Variants in PGBD5 observed in about 807,000 individuals in gnomAD.
PGBD5 encodes piggyBac transposable element-derived protein 5.
A neutral mutation model predicts 47.9 loss-of-function variants in PGBD5; 14 were observed. The ratio of observed to expected loss-of-function variants is 0.29; its 90% CI spans 0.19 to 0.46. The LOEUF is 0.46. Ranked by LOEUF, PGBD5 falls within the 20% of genes least tolerant of loss-of-function variation. PGBD5 has a pLI of 1.00. For synonymous variants in PGBD5, 316 were observed against 306.3 expected, an observed-to-expected ratio of 1.03 and a Z score of -0.33; for missense variants, 635 against 716.0, an observed-to-expected ratio of 0.89 and a Z score of 1.29.
intron 1 of PGBD5, among the ~76,000 whole-genome samples, chr1:230,423,110 T>G (rs747260273): frequency 1.1e-4 from 17 of 152,094 alleles, no homozygotes; most frequent in Non-Finnish European, 1.9e-4. Flanking sequence ...TACCCGCACA[T>G]TTCCATAAAA....
intron 3 of PGBD5, among the ~76,000 whole-genome samples, chr1:230,339,888 TTAGA>T (rs1316587256): frequency 1.3e-5 from 2 of 152,190 alleles, no homozygotes; most frequent in South Asian, 2.1e-4. Flanking sequence ...TCAAAATCTG[TTAGA>T]TAGGAGGAAT....
At chr1:230,403,402 C>G (rs997847562) in intron 1 of PGBD5, among the ~76,000 whole-genome samples, 1 of 152,230 alleles carries the variant, frequency 6.6e-6, no homozygotes, top group Non-Finnish European at 1.5e-5. Context: ...ACTTGTCCCC[C>G]TTCTGTCTCT....
intron 3 of PGBD5, among the ~76,000 whole-genome samples, chr1:230,342,224 C>T (rs1487535): frequency 0.41 from 61,923 of 151,986 alleles, 13,935 homozygotes; most frequent in Non-Finnish European, 0.47. Context: ...TGCTGGGATC[C>T]GGGCACCCTC....
chr1:230,414,358 T>A (rs775939981), intron 1 of PGBD5, among the ~76,000 whole-genome samples: 2 of 152,138 alleles, frequency 1.3e-5, no homozygotes, highest in Non-Finnish European at 2.9e-5. Context: ...CCTTCAGAAA[T>A]GGGGGCTGCA....
At position 230,316,919 on chromosome 1, in the gene PGBD5, T is replaced by G. The variant is rs561796692; in HGVS notation, c.*6506A>C. On this transcript the variant is annotated 3_prime_UTR_variant, in exon 7 of 7. Coordinates refer to ENST00000391860, the MANE Select transcript of PGBD5 (RefSeq NM_001258311.2). ...AGATACACACACGCATACCTGGCTC[T>G]CAGGGCAAGTTGCAGGTTGGCAAGT... 6.6e-6 allele frequency: 1 copy of G among 152,256 alleles called. No homozygotes were observed. Among genetic ancestry groups the G allele is most frequent in the South Asian group, 2.1e-4 (1 of 4,828 alleles). The allele number at this position is 152,256 out of a possible 1,614,324, so 9.4% of individuals were successfully genotyped here.
At chr1:230,384,853 TA>T (rs2102728424) in intron 1 of PGBD5, among the ~76,000 whole-genome samples, 1 of 152,322 alleles carries the variant, frequency 6.6e-6, no homozygotes, top group South Asian at 2.1e-4. Context: ...CCCATTGCTC[TA>T]AAAAGCTGTT....
chr1:230,376,121 G>T (rs543884513), intron 1 of PGBD5, among the ~76,000 whole-genome samples: 1 of 152,234 alleles, frequency 6.6e-6, no homozygotes. Context: ...GAGTCACAGG[G>T]TGTCCAAGGT....
Position 230,356,966 on chromosome 1 carries a change from G to C in PGBD5, c.687C>G (p.Leu229=), listed in dbSNP as rs533232274. The part of the protein sequence containing the change: ...AFRSSQTTHG[L]YKVQPFLDSL... ...AGTCGAGGAAGGGCTGGACCTTGTAGAGCCCGTGCGTGGTCTGGCTGGAGC... is the reference window on the plus strand; with the variant it reads ...AGTCGAGGAAGGGCTGGACCTTGTACAGCCCGTGCGTGGTCTGGCTGGAGC... Residue 229 remains leucine, a synonymous_variant, in exon 2 of 7, where the codon CTC becomes CTG. Coordinates refer to ENST00000391860, the MANE Select transcript of PGBD5 (RefSeq NM_001258311.2). The C allele has an allele frequency of 8.7e-6, 14 of 1,614,210 alleles. No individual in the cohort carries two copies. In the East Asian group the frequency reaches 3.1e-4, roughly 36 times the overall value.
At chr1:230,328,564 C>T (rs554240292) in intron 5 of PGBD5, among the ~76,000 whole-genome samples, 5 of 152,144 alleles carry the variant, frequency 3.3e-5, no homozygotes, top group East Asian at 1.9e-4. Flanking sequence ...TGCACAGATT[C>T]GTGGTGGACG....
At chr1:230,366,740 T>C (rs1448399407) in intron 1 of PGBD5, among the ~76,000 whole-genome samples, 1 of 152,148 alleles carries the variant, frequency 6.6e-6, no homozygotes, top group Non-Finnish European at 1.5e-5. Flanking sequence ...GTGGCTTGCA[T>C]GGTGCCTGAT....
At chr1:230,415,221 G>A (rs1216051454) in intron 1 of PGBD5, among the ~76,000 whole-genome samples, 4 of 151,798 alleles carry the variant, frequency 2.6e-5, no homozygotes, top group Non-Finnish European at 4.4e-5. Context: ...GCTGCAGTGA[G>A]CTGTGATCAC....
chr1:230,351,212 C>T (rs934239208), intron 2 of PGBD5, 120 bp from the exon 3 acceptor site: 3 of 1,119,280 alleles, frequency 2.7e-6, no homozygotes, highest in South Asian at 1.8e-5. Flanking sequence ...AACTAAGTTA[C>T]TTTACCTCTC....
At chr1:230,408,766 C>A (rs532181521) in intron 1 of PGBD5, among the ~76,000 whole-genome samples, 2 of 152,194 alleles carry the variant, frequency 1.3e-5, no homozygotes, top group East Asian at 1.9e-4. Context: ...TAGAAGAAAG[C>A]ATAGGGTTAA....
In PGBD5 at chr1:230,318,029, A is replaced by G. The variant is rs1666977507; in HGVS notation, c.*5396T>C. The G allele has an allele frequency of 6.6e-6, 1 of 152,396 alleles. No individual in the cohort carries two copies. Among genetic ancestry groups the G allele is most frequent in the African/African-American group, 2.4e-5 (1 of 41,436 alleles). The allele number at this position is 152,396 out of a possible 1,614,324, so 9.4% of individuals were successfully genotyped here. On this transcript the variant is annotated 3_prime_UTR_variant, in exon 7 of 7. Coordinates refer to ENST00000391860, the MANE Select transcript of PGBD5 (RefSeq NM_001258311.2). ...CGCCAGCACCACCGCCCTACACTCA[A>G]GAGAGGCTGCCCGGCCCCCACCAGA...
intron 1 of PGBD5, among the ~76,000 whole-genome samples, chr1:230,359,194 T>C (rs1667705250): frequency 6.6e-6 from 1 of 152,130 alleles, no homozygotes; most frequent in South Asian, 2.1e-4. Context: ...CCTGAGTAGC[T>C]GGCATTACAG....
intron 1 of PGBD5, among the ~76,000 whole-genome samples, chr1:230,404,601 A>C (rs1196429931): frequency 1.6e-5 from 2 of 126,340 alleles, no homozygotes; most frequent in Non-Finnish European, 3.3e-5. Flanking sequence ...GACAGAGCAA[A>C]GTCTTGTCTC....
intron 1 of PGBD5, among the ~76,000 whole-genome samples, chr1:230,375,158 C>T (rs1479008217): frequency 2.0e-5 from 3 of 152,140 alleles, no homozygotes; most frequent in Non-Finnish European, 4.4e-5. Context: ...AGATCTCTAA[C>T]GATGAATTTC....
chr1:230,402,596 G>A (rs1657164787), intron 1 of PGBD5, among the ~76,000 whole-genome samples: 1 of 152,140 alleles, frequency 6.6e-6, no homozygotes, highest in Non-Finnish European at 1.5e-5. Flanking sequence ...TAGGACTACA[G>A]GTACATACCA....
intron 1 of PGBD5, among the ~76,000 whole-genome samples, chr1:230,378,480 C>T (rs987615608): frequency 6.6e-6 from 1 of 152,228 alleles, no homozygotes; most frequent in East Asian, 1.9e-4. Flanking sequence ...CTACAAGCAC[C>T]TGAGCATGCC....
Sources: allele counts gnomAD v4.1 joint callset (sites outside exome capture counted in the v4.1 genomes callset), GRCh38; gene constraint gnomAD v4.1.1; transcripts MANE v1.5; gene names NCBI Gene and HGNC (gene_info 2026-07-23, HGNC 2026-07-21).